NOCT: variants seen among roughly 807,000 people sequenced by gnomAD.
NOCT encodes nocturnin, also known as CCR4 carbon catabolite repression 4-like.
Under a neutral mutation model 35.0 loss-of-function variants are expected in NOCT, and 18 were observed. The observed-to-expected ratio is 0.51, with a 90% CI of 0.36 to 0.76. The LOEUF is 0.76. Ranked by LOEUF, NOCT falls within the 30% of genes least tolerant of loss-of-function variation. The pLI, the probability that NOCT is intolerant of heterozygous loss-of-function variation, is 0.01. For missense variants in NOCT, 479 were observed against 541.0 expected (o/e 0.89, Z 1.14); for synonymous variants, 235 against 226.3 (o/e 1.04, Z -0.34).
intron 1 of NOCT, among the ~76,000 whole-genome samples, chr4:139,038,981 G>T (rs1200243208): frequency 6.6e-5 from 10 of 152,016 alleles, no homozygotes; most frequent in Admixed American, 5.9e-4. Flanking sequence ...GGCCAAAAAT[G>T]GTCCTGTTAA....
In NOCT at chr4:139,045,124, A is replaced by G. The variant is rs1307798929; in HGVS notation, c.946A>G (p.Lys316Glu). The G allele has an allele frequency of 1.2e-6, 2 of 1,614,216 alleles. No individual in the cohort carries two copies. Among genetic ancestry groups the G allele is most frequent in the Non-Finnish European group, 8.5e-7 (1 of 1,180,026 alleles). ...CCTGCAAAACATCACCCAAGGAGCC[A>G]AGATTCCCCTTATTGTGTGTGGGGA... ...QNLQNITQGA[K>E]IPLIVCGDFN... The change falls in exon 3 of 3, where the codon AAG becomes GAG. Residue 316 changes from lysine (K) to glutamate (E), a missense_variant. Lys to Glu is a moderately conservative substitution (Grantham distance 56). Coordinates refer to ENST00000280614, the MANE Select transcript of NOCT (RefSeq NM_012118.4).
At chr4:139,038,212 T>C (rs546814993) in intron 1 of NOCT, among the ~76,000 whole-genome samples, 1 of 151,756 alleles carries the variant, frequency 6.6e-6, no homozygotes. Context: ...AATAAATAAA[T>C]AAATAAATAA....
chr4:139,022,312 G>A (rs1415129663), intron 1 of NOCT, among the ~76,000 whole-genome samples: 1 of 152,164 alleles, frequency 6.6e-6, no homozygotes. Flanking sequence ...TGGCCTCAAA[G>A]CAACACTTGA....
chr4:139,041,895 C>T (rs775385387), intron 1 of NOCT, among the ~76,000 whole-genome samples: 1 of 151,568 alleles, frequency 6.6e-6, no homozygotes, highest in Non-Finnish European at 1.5e-5. Context: ...TTGATTTACA[C>T]TTAACATCTA....
chr4:139,019,917 A>G (rs1213894703), intron 1 of NOCT, among the ~76,000 whole-genome samples: 1 of 152,170 alleles, frequency 6.6e-6, no homozygotes, highest in Non-Finnish European at 1.5e-5. Flanking sequence ...CCATTAGAAC[A>G]TTTGCTTTTT....
At chr4:139,040,181 C>A (rs1470985449) in intron 1 of NOCT, among the ~76,000 whole-genome samples, 1 of 147,434 alleles carries the variant, frequency 6.8e-6, no homozygotes, top group South Asian at 2.2e-4. Context: ...TACAGGCGCC[C>A]GCCACCATGC....
chr4:139,025,098 G>A (rs1726487404), intron 1 of NOCT, among the ~76,000 whole-genome samples: 1 of 152,140 alleles, frequency 6.6e-6, no homozygotes, highest in African/African-American at 2.4e-5. Context: ...CTCCTGATCT[G>A]GTCTGCTTCT....
At chr4:139,017,520 C>G (rs1393022692) in intron 1 of NOCT, among the ~76,000 whole-genome samples, 3 of 150,044 alleles carry the variant, frequency 2.0e-5, no homozygotes, top group Non-Finnish European at 4.5e-5. Context: ...GAGCCACCGC[C>G]CCCCCGGCCT....
chr4:139,044,012 T>TATA, intron 2 of NOCT: 1 of 134,934 alleles, frequency 7.4e-6, no homozygotes, highest in African/African-American at 2.9e-5. Context: ...ATACACTTTG[T>TATA]TACAGTAGTA....
At chr4:139,041,780 G>A (rs1305157197) in intron 1 of NOCT, among the ~76,000 whole-genome samples, 1 of 152,102 alleles carries the variant, frequency 6.6e-6, no homozygotes, top group African/African-American at 2.4e-5. Flanking sequence ...AAGCCCTTCT[G>A]GCCTCAGCCC....
chr4:139,030,798 G>A (rs1726609501), intron 1 of NOCT, among the ~76,000 whole-genome samples: 1 of 152,160 alleles, frequency 6.6e-6, no homozygotes, highest in Admixed American at 6.5e-5. Context: ...TTTGTGAGGT[G>A]TTCAACACGC....
intron 1 of NOCT, among the ~76,000 whole-genome samples, chr4:139,020,401 T>C (rs1481702261): frequency 2.0e-5 from 3 of 151,858 alleles, no homozygotes; most frequent in African/African-American, 4.8e-5. Flanking sequence ...TTGCTTCTAA[T>C]AGGTGAAAAA....
intron 1 of NOCT, among the ~76,000 whole-genome samples, chr4:139,025,200 A>G (rs1726490009): frequency 6.6e-6 from 1 of 152,006 alleles, no homozygotes; most frequent in African/African-American, 2.4e-5. Context: ...ACCAAAAGCC[A>G]CCCTTCCCGG....
intron 1 of NOCT, among the ~76,000 whole-genome samples, chr4:139,017,606 G>A (rs568049709): frequency 4.6e-5 from 7 of 151,478 alleles, no homozygotes; most frequent in Admixed American, 2.6e-4. Flanking sequence ...GAGGCGGGTA[G>A]ATCACCCGAG....
At chr4:139,042,388 A>G (rs1477482604) in intron 1 of NOCT, among the ~76,000 whole-genome samples, 1 of 152,008 alleles carries the variant, frequency 6.6e-6, no homozygotes, top group Non-Finnish European at 1.5e-5. Flanking sequence ...GGTTCTTAAG[A>G]TATATAGAAA....
At chr4:139,016,467 C>T (rs899097280) in intron 1 of NOCT, among the ~76,000 whole-genome samples, 5 of 151,966 alleles carry the variant, frequency 3.3e-5, no homozygotes, top group Admixed American at 2.0e-4. Flanking sequence ...TAAATTTCCC[C>T]CTTCCGAGGC....
chr4:139,045,661 C>T lies in NOCT; in HGVS notation c.*187C>T, dbSNP rs546933608. 2.9e-5 allele frequency: 14 copies of T among 476,094 alleles called. No individual in the cohort carries two copies. Among genetic ancestry groups the T allele is most frequent in the South Asian group, 8.4e-5 (2 of 23,806 alleles). The allele number at this position is 476,094 out of a possible 1,614,324, so 29.5% of individuals were successfully genotyped here. ...CCTCCAGAGCAACTGGGACAACAGGCGCCCGTCACCACGCCCAGCTAATTT... is the reference window on the plus strand; with the variant it reads ...CCTCCAGAGCAACTGGGACAACAGGTGCCCGTCACCACGCCCAGCTAATTT... On this transcript the variant is annotated 3_prime_UTR_variant, in exon 3 of 3. Coordinates refer to ENST00000280614, the MANE Select transcript of NOCT (RefSeq NM_012118.4).
At chr4:139,037,904 G>GA (rs538193810) in intron 1 of NOCT, among the ~76,000 whole-genome samples, 1,677 of 133,682 alleles carry the variant, frequency 0.013, 26 homozygotes, top group African/African-American at 0.035. Context: ...GCCCTTTGGG[G>GA]AAAAAAAAAA....
Position 139,045,399 on chromosome 4 carries a change from C to T in NOCT, c.1221C>T (p.Ser407=), listed in dbSNP as rs772252609. The change falls in exon 3 of 3, where the codon TCC becomes TCT. Residue 407 remains serine (S), a synonymous_variant. Coordinates refer to ENST00000280614, the MANE Select transcript of NOCT (RefSeq NM_012118.4). ...AGATTGGACCCAACAGGTTACCTTC[C>T]TTCAATTATCCTTCAGACCACCTGT... ...EEQIGPNRLP[S]FNYPSDHLSL... is the part of the protein sequence containing the mutation. The T allele has an allele frequency of 1.2e-6, 2 of 1,613,908 alleles. No individual in the cohort carries two copies. Among genetic ancestry groups the T allele is most frequent in the Admixed American group, 1.7e-5 (1 of 59,984 alleles).
Sources: allele counts gnomAD v4.1 joint callset (sites outside exome capture counted in the v4.1 genomes callset), GRCh38; gene constraint gnomAD v4.1.1; transcripts MANE v1.5; gene names NCBI Gene and HGNC (gene_info 2026-07-23, HGNC 2026-07-21).